Variants in SIPA1L2 observed in about 807,000 individuals in gnomAD.
SIPA1L2 encodes the protein signal induced proliferation associated 1 like 2, also known as signal-induced proliferation-associated 1-like protein 2.
Under a neutral mutation model 163.9 loss-of-function variants are expected in SIPA1L2, and 56 were observed. That is an observed-to-expected ratio of 0.34 (90% confidence interval 0.28 to 0.43). The LOEUF (loss-of-function observed/expected upper bound fraction) is 0.43. Among genes scored for constraint, SIPA1L2 ranks in the 20% least tolerant of loss-of-function variants. The pLI is 1.00. For missense variants in SIPA1L2, 1,974 were observed against 2,193.5 expected (o/e 0.90, Z 2.00); for synonymous variants, 877 against 865.7 (o/e 1.01, Z -0.23).
At chr1:232,552,078 G>A (rs1016394745) in intron 2 of SIPA1L2, among the ~76,000 whole-genome samples, 16 of 152,114 alleles carry the variant, frequency 1.1e-4, no homozygotes, top group African/African-American at 2.9e-4. Context: ...GACCTCAGGC[G>A]ATCCACCCAC....
chr1:232,542,300 GCCTGCATCT>G (rs1404173034), intron 2 of SIPA1L2, among the ~76,000 whole-genome samples: 23 of 152,144 alleles, frequency 1.5e-4, no homozygotes, highest in Admixed American at 1.4e-3. Flanking sequence ...GGGCACAATC[GCCTGCATCT>G]ATGCCATCTA....
chr1:232,443,208 C>T (rs1475835907), intron 12 of SIPA1L2, among the ~76,000 whole-genome samples: 1 of 152,208 alleles, frequency 6.6e-6, no homozygotes. Flanking sequence ...AAGGGCAGCT[C>T]TCAGCTAGGT....
intron 2 of SIPA1L2, among the ~76,000 whole-genome samples, chr1:232,526,930 G>A (rs1266895092): frequency 6.6e-6 from 1 of 152,112 alleles, no homozygotes; most frequent in African/African-American, 2.4e-5. Context: ...CTCTTCTGAG[G>A]GGGCCTCCCC....
chr1:232,507,931 C>T (rs1666801577), intron 3 of SIPA1L2, among the ~76,000 whole-genome samples: 1 of 152,142 alleles, frequency 6.6e-6, no homozygotes, highest in Non-Finnish European at 1.5e-5. Context: ...GAAAAGCCTT[C>T]AAGGATAATG....
At chr1:232,462,326 T>A (rs750734482) in intron 9 of SIPA1L2, 100 of 1,543,992 alleles carry the variant, frequency 6.5e-5, no homozygotes, top group Non-Finnish European at 8.1e-5. Context: ...CCAGAGGCAA[T>A]GTATGAAGTT....
chr1:232,611,266 A>C (rs1424305326), intron 1 of SIPA1L2, among the ~76,000 whole-genome samples: 3 of 152,290 alleles, frequency 2.0e-5, no homozygotes, highest in Admixed American at 2.0e-4. Flanking sequence ...CTTTATCAGC[A>C]GCGTGAAAAT....
At chr1:232,586,490 G>A (rs1468281566) in intron 1 of SIPA1L2, among the ~76,000 whole-genome samples, 3 of 152,072 alleles carry the variant, frequency 2.0e-5, no homozygotes, top group Non-Finnish European at 4.4e-5. Flanking sequence ...CTGAGTGTTC[G>A]AGATTCACAG....
intron 2 of SIPA1L2, among the ~76,000 whole-genome samples, chr1:232,537,529 GA>G (rs1434991950): frequency 1.3e-5 from 2 of 151,966 alleles, no homozygotes; most frequent in Non-Finnish European, 2.9e-5. Flanking sequence ...CACAAAATAG[GA>G]AAATGATAAA....
At chr1:232,453,215 A>G (rs1428876643) in intron 10 of SIPA1L2, among the ~76,000 whole-genome samples, 1 of 152,244 alleles carries the variant, frequency 6.6e-6, no homozygotes, top group Non-Finnish European at 1.5e-5. Flanking sequence ...CTACTATGAA[A>G]CTAAGAAAGG....
At chr1:232,490,345 G>A (rs886457939) in intron 5 of SIPA1L2, among the ~76,000 whole-genome samples, 2 of 152,060 alleles carry the variant, frequency 1.3e-5, no homozygotes, top group African/African-American at 4.8e-5. Flanking sequence ...CTTTCCCCAA[G>A]GTACTCACTA....
intron 1 of SIPA1L2, among the ~76,000 whole-genome samples, chr1:232,575,512 C>T (rs1380612429): frequency 6.6e-6 from 1 of 152,038 alleles, no homozygotes; most frequent in African/African-American, 2.4e-5. Context: ...AGATTTTGTG[C>T]CGTGGTTAGG....
At chr1:232,540,635 A>C (rs1657596988) in intron 2 of SIPA1L2, among the ~76,000 whole-genome samples, 1 of 152,258 alleles carries the variant, frequency 6.6e-6, no homozygotes, top group African/African-American at 2.4e-5. Flanking sequence ...GATAGAATGG[A>C]AGGAAAGGGA....
rs1384618548 is a variant in SIPA1L2 at position 232,629,856 on chromosome 1, C to A, written c.-319+13G>T. 6.6e-6 allele frequency among the ~76,000 whole-genome samples: 1 copy of A among 151,984 alleles called. No homozygotes were observed. The highest frequency in any genetic ancestry group is 2.4e-5 in the African/African-American group (1 of 41,426). ...CCCTCGCCACGCTGCCCGTCGGATT[C>A]CCCGACACGAACCTTCGCAACGCCG... On this transcript the variant is annotated intron_variant, in intron 1 of 22. Coordinates refer to ENST00000674635, the MANE Select transcript of SIPA1L2 (RefSeq NM_020808.5).
chr1:232,403,321 C>A, intron 21 of SIPA1L2, 127 bp downstream of exon 21: 1 of 1,255,652 alleles, frequency 8.0e-7, no homozygotes, highest in Non-Finnish European at 1.1e-6. Context: ...TCTCTGGATT[C>A]TTCAGGACTG....
At chr1:232,467,483 A>T (rs1041310808) in intron 8 of SIPA1L2, among the ~76,000 whole-genome samples, 5 of 152,088 alleles carry the variant, frequency 3.3e-5, no homozygotes, top group African/African-American at 1.2e-4. Context: ...ACAATCCCCC[A>T]TGTTAACTCT....
chr1:232,574,672 G>A (rs558214748), intron 1 of SIPA1L2, among the ~76,000 whole-genome samples: 1 of 152,214 alleles, frequency 6.6e-6, no homozygotes, highest in East Asian at 1.9e-4. Flanking sequence ...CATCAACAGA[G>A]ATAAGCCACA....
chr1:232,625,980 T>C (rs1302794728), intron 1 of SIPA1L2, among the ~76,000 whole-genome samples: 1 of 152,198 alleles, frequency 6.6e-6, no homozygotes, highest in African/African-American at 2.4e-5. Flanking sequence ...AAAAAGTGTC[T>C]GTGTGGGGAT....
intron 17 of SIPA1L2, among the ~76,000 whole-genome samples, chr1:232,426,515 C>T (rs563400906): frequency 6.6e-6 from 1 of 152,264 alleles, no homozygotes; most frequent in East Asian, 1.9e-4. Flanking sequence ...AAAAAATTAG[C>T]TGGGCATGGT....
At chr1:232,529,134 T>C (rs1425516901) in intron 2 of SIPA1L2, among the ~76,000 whole-genome samples, 1 of 152,216 alleles carries the variant, frequency 6.6e-6, no homozygotes, top group Non-Finnish European at 1.5e-5. Context: ...GTTGTATTAA[T>C]GAGAATGATC....
Sources: allele counts gnomAD v4.1 joint callset (sites outside exome capture counted in the v4.1 genomes callset), GRCh38; gene constraint gnomAD v4.1.1; transcripts MANE v1.5; gene names NCBI Gene and HGNC (gene_info 2026-07-23, HGNC 2026-07-21).